The following IL16 variants were observed in gnomAD, a reference collection of about 807,000 sequenced individuals.
The protein encoded by IL16 is pro-interleukin-16.
A neutral mutation model predicts 110.1 loss-of-function variants in IL16; 67 were observed. The ratio of observed to expected loss-of-function variants is 0.61; its 90% CI spans 0.50 to 0.75. The LOEUF (loss-of-function observed/expected upper bound fraction) is 0.75, where lower values mean the gene tolerates loss of function less well. Among genes scored for constraint, IL16 ranks in the 30% least tolerant of loss-of-function variants. IL16 has a pLI of 0.00. For missense variants in IL16, 1,545 were observed against 1,655.0 expected (o/e 0.93, Z 1.15); for synonymous variants, 689 against 662.9 (o/e 1.04, Z -0.61).
At chr15:81,227,995 G>C (rs1018085594) in intron 2 of IL16, among the ~76,000 whole-genome samples, 1 of 152,170 alleles carries the variant, frequency 6.6e-6, no homozygotes, top group African/African-American at 2.4e-5. Flanking sequence ...CAAAACAGGA[G>C]GGGCTGGAAA....
At chr15:81,231,014 A>G (rs574005844) in intron 2 of IL16, among the ~76,000 whole-genome samples, 26 of 152,126 alleles carry the variant, frequency 1.7e-4, no homozygotes, top group Non-Finnish European at 3.2e-4. Context: ...CCTACATCTC[A>G]GAAGTCAAAC....
At chr15:81,263,540 C>A (rs535420157) in intron 3 of IL16, among the ~76,000 whole-genome samples, 14 of 152,228 alleles carry the variant, frequency 9.2e-5, no homozygotes, top group African/African-American at 2.9e-4. Flanking sequence ...CAGAAATCGA[C>A]CCCAGACCAG....
intron 2 of IL16, among the ~76,000 whole-genome samples, chr15:81,231,363 TC>T (rs1896974969): frequency 6.9e-6 from 1 of 144,002 alleles, no homozygotes; most frequent in South Asian, 2.2e-4. Context: ...TCTCTCTCTC[TC>T]TCTCTCTCTC....
chr15:81,264,610 C>T (rs1358502153), intron 3 of IL16, among the ~76,000 whole-genome samples: 3 of 152,194 alleles, frequency 2.0e-5, no homozygotes, highest in Non-Finnish European at 4.4e-5. Context: ...CCTGTCCATT[C>T]ACTCGAGCCT....
intron 3 of IL16, among the ~76,000 whole-genome samples, chr15:81,260,481 A>G (rs1413140733): frequency 6.6e-6 from 1 of 152,220 alleles, no homozygotes; most frequent in East Asian, 1.9e-4. Flanking sequence ...ATGGTATTTT[A>G]TTATATGAAT....
In IL16 at chr15:81,292,578, T is replaced by C; in HGVS notation, c.1443T>C (p.Ser481=). 2 of 1,605,842 alleles carry C rather than the reference T, an allele frequency of 1.2e-6. No individual in the cohort carries two copies. The highest frequency in any genetic ancestry group is 2.2e-5 in the East Asian group (1 of 44,632). Residue 481 remains serine (S), a synonymous_variant, in exon 12 of 19, where the codon AGT becomes AGC. Coordinates refer to ENST00000683961, the MANE Select transcript of IL16 (RefSeq NM_172217.5). ...SLEGVKRLES[S]WHGRPTLEKE... ...CAGGTGTCAAAAGGCTGGAAAGCAG[T>C]TGGCACGGGCGGCCCACCTTGGAGA...
intron 8 of IL16, among the ~76,000 whole-genome samples, 177 bp from the exon 9 acceptor site, chr15:81,282,462 G>T (rs2142306896): frequency 6.6e-6 from 1 of 152,118 alleles, no homozygotes; most frequent in South Asian, 2.1e-4. Flanking sequence ...TTCCTTGCCT[G>T]CCTTGGTCAC....
At chr15:81,272,350 T>C (rs1438369273) in intron 5 of IL16, among the ~76,000 whole-genome samples, 4 of 152,222 alleles carry the variant, frequency 2.6e-5, no homozygotes, top group African/African-American at 7.2e-5. Flanking sequence ...CTTCTCTTCC[T>C]GCTGTAGACC....
At chr15:81,307,083 G>C (rs1900608832) in intron 18 of IL16, among the ~76,000 whole-genome samples, 1 of 152,138 alleles carries the variant, frequency 6.6e-6, no homozygotes. Context: ...TCAGGGATTG[G>C]AGTACAAACC....
rs549107569 is a variant in IL16 at position 81,229,649 on chromosome 15, G to A, written c.312+3938G>A. On this transcript the variant is annotated intron_variant, in intron 2 of 18. Transcript: ENST00000683961. ...CAATCAAAGGTTCCAGGTCAGCAAGGCCAAAGGCAACAGCAGGTCCTCATA... is the reference window on the plus strand; with the variant it reads ...CAATCAAAGGTTCCAGGTCAGCAAGACCAAAGGCAACAGCAGGTCCTCATA... Among the ~76,000 whole-genome samples, 17 of 152,254 alleles carry A rather than the reference G, an allele frequency of 1.1e-4. 1 individual carries two copies. The highest frequency in any genetic ancestry group is 4.1e-4 in the African/African-American group (17 of 41,538).
chr15:81,313,481 C>T lies in IL16; in HGVS notation c.*4683C>T. On this transcript the variant is annotated 3_prime_UTR_variant, in exon 19 of 19. Coordinates refer to ENST00000683961, the MANE Select transcript of IL16 (RefSeq NM_172217.5). The stretch of plus-strand genomic sequence containing the variant: ...ACGAGCGCCAGGCAGGTGAGCAGAG[C>T]CCAGCCCAGTGGAAATGGCCATGAT... 1 of 1,365,254 alleles carries T rather than the reference C, an allele frequency of 7.3e-7. No homozygotes were observed. Among genetic ancestry groups the T allele is most frequent in the Non-Finnish European group, 9.7e-7 (1 of 1,033,542 alleles). 84.6% of individuals were successfully genotyped at this position (1,365,254 alleles called of 1,614,324 possible). A position where few individuals can be genotyped will look rare whatever the true frequency, so the allele number is the denominator to read the frequency against.
Position 81,299,972 on chromosome 15 carries a change from G to A in IL16, c.2646G>A (p.Arg882=), listed in dbSNP as rs765650736. 16 of 1,607,214 alleles carry A rather than the reference G, an allele frequency of 1.0e-5. No homozygotes were observed. The highest frequency in any genetic ancestry group is 1.7e-5 in the Admixed American group (1 of 59,494). ...AKPLGKHEEG[R]FSGLLGRGAA... ...CTCTTGGGAAGCATGAGGAAGGACG[G>A]TTTTCTGGACTCTTGGGGCGAGGGG... The change falls in exon 14 of 19, where the codon CGG becomes CGA. Residue 882 remains arginine, a synonymous_variant. Transcript: ENST00000683961.
chr15:81,288,613 C>G (rs894684142), intron 10 of IL16, among the ~76,000 whole-genome samples: 3 of 152,184 alleles, frequency 2.0e-5, no homozygotes, highest in Non-Finnish European at 4.4e-5. Context: ...AAACAAGTCC[C>G]TATGTTCTCC....
intron 2 of IL16, among the ~76,000 whole-genome samples, chr15:81,235,324 G>T (rs1897143877): frequency 1.3e-5 from 2 of 152,172 alleles, no homozygotes; most frequent in African/African-American, 4.8e-5. Flanking sequence ...TTCTGGTGAG[G>T]TCTCAGGAAG....
chr15:81,307,039 C>A (rs2141644800), intron 18 of IL16, among the ~76,000 whole-genome samples: 1 of 152,280 alleles, frequency 6.6e-6, no homozygotes, highest in Non-Finnish European at 1.5e-5. Flanking sequence ...TCAGCTCCTG[C>A]CTTTATTTAA....
intron 2 of IL16, among the ~76,000 whole-genome samples, chr15:81,227,706 C>A (rs1896834044): frequency 6.6e-6 from 1 of 152,108 alleles, no homozygotes; most frequent in Non-Finnish European, 1.5e-5. Flanking sequence ...TTAAAAGGAG[C>A]ACTCTGACTG....
chr15:81,256,106 G>T (rs947994267), intron 2 of IL16, among the ~76,000 whole-genome samples: 6 of 152,072 alleles, frequency 3.9e-5, no homozygotes, highest in Admixed American at 2.6e-4. Flanking sequence ...TTTCATGTCT[G>T]CTGTCACATC....
chr15:81,285,781 G>A lies in IL16; in HGVS notation c.1283G>A (p.Cys428Tyr). 1 of 1,614,154 alleles carries A rather than the reference G, an allele frequency of 6.2e-7. No homozygotes were observed. Among genetic ancestry groups the A allele is most frequent in the Non-Finnish European group, 8.5e-7 (1 of 1,180,000 alleles). ...GAAGTCTACACGATCCTGAGTCACT[G>A]TGATCCCGGTCCAGTCCCCATCATT... is the stretch of plus-strand genomic sequence containing the variant. The part of the protein sequence containing the change: ...LNEVYTILSH[C>Y]DPGPVPIIVS... The change falls in exon 10 of 19, where the codon TGT becomes TAT. Residue 428 changes from cysteine (C) to tyrosine (Y), a missense_variant. Transcript: ENST00000683961.
rs770321800 is a variant in IL16, at chr15:81,305,937, C to T, written c.3450C>T (p.Ala1150=). Residue 1150 remains alanine (A), a synonymous_variant, in exon 17 of 19, where the codon GCC becomes GCT. Transcript: ENST00000683961. ...TVHRVFPNGL[A]SQEGTIQKGN... is the part of the protein sequence containing the mutation. ...ACAGAGTGTTTCCAAATGGGCTGGCCTCCCAGGAAGGGACTATTCAGAAGG... is the reference window on the plus strand; with the variant it reads ...ACAGAGTGTTTCCAAATGGGCTGGCTTCCCAGGAAGGGACTATTCAGAAGG... 3 of 1,614,184 alleles carry T rather than the reference C, an allele frequency of 1.9e-6. No individual in the cohort carries two copies. The highest frequency in any genetic ancestry group is 2.2e-5 in the South Asian group (2 of 91,084).
Sources: allele counts gnomAD v4.1 joint callset (sites outside exome capture counted in the v4.1 genomes callset), GRCh38; gene constraint gnomAD v4.1.1; transcripts MANE v1.5; gene names NCBI Gene and HGNC (gene_info 2026-07-23, HGNC 2026-07-21).